Variants in MAPRE1 observed in about 807,000 individuals in gnomAD.
The protein encoded by MAPRE1 is microtubule associated protein RP/EB family member 1, also known as microtubule-associated protein RP/EB family member 1.
In MAPRE1, 5 loss-of-function variants were observed where a neutral mutation model predicts 32.1. The observed-to-expected ratio is 0.16, with a 90% CI of 0.08 to 0.33. The LOEUF (loss-of-function observed/expected upper bound fraction) is 0.33, where lower values mean the gene tolerates loss of function less well. MAPRE1 is among the 10% of genes least tolerant of loss of function. MAPRE1 has a pLI of 1.00. For synonymous variants in MAPRE1, 122 were observed against 118.9 expected (o/e 1.03, Z -0.17); for missense variants, 209 against 327.2 (o/e 0.64, Z 2.79).
intron 2 of MAPRE1, 151 bp downstream of exon 2, chr20:32,826,199 C>G: frequency 5.9e-6 from 3 of 506,220 alleles, no homozygotes; most frequent in Non-Finnish European, 1.0e-5. Context: ...GCCTTTGCTT[C>G]TGCTTCCAAA....
Position 32,836,786 on chromosome 20 carries a change from C to T in MAPRE1, c.420C>T (p.Ser140=), listed in dbSNP as rs567326963. The T allele has an allele frequency of 6.2e-7, 1 of 1,614,174 alleles. No homozygotes were observed. The highest frequency in any genetic ancestry group is 2.2e-5 in the East Asian group (1 of 44,890). ...GTCAAGAAACTGCAGTGGCTCCTTC[C>T]CTTGTTGCTCCAGCTCTGAATAAAC... is the stretch of plus-strand genomic sequence containing the variant. ...RQGQETAVAP[S]LVAPALNKPK... Residue 140 remains serine, a synonymous_variant, in exon 4 of 7, where the codon TCC becomes TCT. Transcript: ENST00000375571.
In MAPRE1 at chr20:32,848,952, C is replaced by G. The variant is rs185563382; in HGVS notation, c.*224C>G. 1 of 375,580 alleles carries G rather than the reference C, an allele frequency of 2.7e-6. No individual in the cohort carries two copies. The highest frequency in any genetic ancestry group is 4.8e-6 in the Non-Finnish European group (1 of 208,968). 23.3% of individuals were successfully genotyped at this position (375,580 alleles called of 1,614,324 possible). A position where few individuals can be genotyped will look rare whatever the true frequency, so the allele number is the denominator to read the frequency against. Reference sequence around the variant, plus strand: ...GAGCAGTATTAACACCTAGTTGGTTCACCTGGAAAACAGAGAGGCTGACCG... The same window carrying G: ...GAGCAGTATTAACACCTAGTTGGTTGACCTGGAAAACAGAGAGGCTGACCG... On this transcript the variant is annotated 3_prime_UTR_variant, in exon 7 of 7. Transcript: ENST00000375571.
At chr20:32,842,384 CATAGCTA>C (rs1983390298) in intron 5 of MAPRE1, among the ~76,000 whole-genome samples, 1 of 152,206 alleles carries the variant, frequency 6.6e-6, no homozygotes, top group South Asian at 2.1e-4. Context: ...AGTGCCCAGC[CATAGCTA>C]ACATTTTAAA....
At chr20:32,834,887 A>G (rs1983143238) in intron 3 of MAPRE1, among the ~76,000 whole-genome samples, 1 of 152,218 alleles carries the variant, frequency 6.6e-6, no homozygotes, top group Non-Finnish European at 1.5e-5. Flanking sequence ...TTTGTTTTAT[A>G]TCTAATTCTA....
chr20:32,848,663 C>A lies in MAPRE1; in HGVS notation c.751-9C>A, dbSNP rs781480084. ...TCAGTGGCTTTCCCCTCTCATTTTC[C>A]TATTTCAGGAAGGCTTTGTGATACC... On this transcript the variant is annotated splice_polypyrimidine_tract_variant and intron_variant, in intron 6 of 6. Coordinates refer to ENST00000375571, the MANE Select transcript of MAPRE1 (RefSeq NM_012325.3). The A allele has an allele frequency of 1.9e-6, 3 of 1,610,244 alleles. No homozygotes were observed. The highest frequency in any genetic ancestry group is 2.7e-5 in the African/African-American group (2 of 74,674).
At chr20:32,836,599 CTT>C (rs772573885) in intron 3 of MAPRE1, 33 bp from the exon 4 acceptor site, 3 of 1,346,736 alleles carry the variant, frequency 2.2e-6, no homozygotes, top group Non-Finnish European at 3.2e-6. Flanking sequence ...CCAAAAGCCT[CTT>C]TTTTGGGGCT....
At chr20:32,845,299 C>T (rs927577358) in intron 5 of MAPRE1, among the ~76,000 whole-genome samples, 1 of 152,164 alleles carries the variant, frequency 6.6e-6, no homozygotes, top group Admixed American at 6.5e-5. Context: ...CCTTGACCTC[C>T]CAAAGCTTTG....
intron 4 of MAPRE1, among the ~76,000 whole-genome samples, chr20:32,839,049 T>C (rs1271126807): frequency 6.6e-6 from 1 of 152,224 alleles, no homozygotes; most frequent in Non-Finnish European, 1.5e-5. Context: ...GAGACGTCTA[T>C]AAATACTAGT....
chr20:32,837,144 A>G (rs1361811404), intron 4 of MAPRE1, among the ~76,000 whole-genome samples: 1 of 152,208 alleles, frequency 6.6e-6, no homozygotes, highest in African/African-American at 2.4e-5. Context: ...AGTTTTGCCA[A>G]AGCTCTAGAA....
chr20:32,837,621 TAGAG>T (rs371703646), intron 4 of MAPRE1, among the ~76,000 whole-genome samples: 1,552 of 152,300 alleles, frequency 0.01, 25 homozygotes, highest in African/African-American at 0.036. Context: ...GTTCATCTGA[TAGAG>T]AGGGTAGGTT....
In MAPRE1 at chr20:32,846,697, T is replaced by C; in HGVS notation, c.677T>C (p.Leu226Ser). The C allele has an allele frequency of 1.2e-6, 2 of 1,614,158 alleles. No homozygotes were observed. The highest frequency in any genetic ancestry group is 1.7e-6 in the Non-Finnish European group (2 of 1,180,000). The change falls in exon 6 of 7, where the codon TTG becomes TCG. Residue 226 changes from leucine (L) to serine (S), a missense_variant. By Grantham distance (145) the Leu-to-Ser change is moderately radical. Coordinates refer to ENST00000375571, the MANE Select transcript of MAPRE1 (RefSeq NM_012325.3). ...TTCGGAAAGCTACGGAACATTGAATTGATTTGCCAGGAGAACGAGGGGGAA... is the reference window on the plus strand; with the variant it reads ...TTCGGAAAGCTACGGAACATTGAATCGATTTGCCAGGAGAACGAGGGGGAA... ...FYFGKLRNIE[L>S]ICQENEGEND...
At position 32,849,873 on chromosome 20, in the gene MAPRE1, TTG is replaced by T. The variant is rs1363446805; in HGVS notation, c.*1146_*1147del. On this transcript the variant is annotated 3_prime_UTR_variant, in exon 7 of 7. Coordinates refer to ENST00000375571, the MANE Select transcript of MAPRE1 (RefSeq NM_012325.3). ...ATACTTTGCCAGTGCACTAATCTCT[TTG>T]GAGATAAAATTCATTAGTGTGTTAC... The T allele has an allele frequency of 3.9e-5, 6 of 152,646 alleles. No homozygotes were observed. The highest frequency in any genetic ancestry group is 1.4e-4 in the African/African-American group (6 of 41,454). 9.5% of individuals were successfully genotyped at this position (152,646 alleles called of 1,614,324 possible).
intron 1 of MAPRE1, among the ~76,000 whole-genome samples, 157 bp downstream of exon 1, chr20:32,820,185 C>G (rs1479356550): frequency 7.4e-6 from 1 of 135,410 alleles, no homozygotes; most frequent in Admixed American, 7.8e-5. Flanking sequence ...CGTCACCCGG[C>G]GCGCGCGGGC....
intron 3 of MAPRE1, among the ~76,000 whole-genome samples, chr20:32,835,881 C>T (rs1852825616): frequency 6.6e-6 from 1 of 152,106 alleles, no homozygotes; most frequent in Non-Finnish European, 1.5e-5. Flanking sequence ...GTTGGGATTA[C>T]AGGTGTGAGC....
intron 5 of MAPRE1, among the ~76,000 whole-genome samples, chr20:32,841,347 G>A (rs1983354139): frequency 6.6e-6 from 1 of 152,250 alleles, no homozygotes; most frequent in South Asian, 2.1e-4. Flanking sequence ...AAAGAAATAC[G>A]AGAGAGTAAA....
At chr20:32,827,041 C>G (rs1270468375) in intron 2 of MAPRE1, among the ~76,000 whole-genome samples, 2 of 152,156 alleles carry the variant, frequency 1.3e-5, no homozygotes, top group Admixed American at 6.5e-5. Flanking sequence ...AGTACAAGAT[C>G]AAAGTCTAGC....
intron 3 of MAPRE1, among the ~76,000 whole-genome samples, chr20:32,835,988 GTC>G: frequency 6.6e-6 from 1 of 152,090 alleles, no homozygotes. Context: ...CTTAAATGGG[GTC>G]TCTCTCTGTC....
In MAPRE1 at chr20:32,850,097, T is replaced by G. The variant is rs1983605265; in HGVS notation, c.*1369T>G. On this transcript the variant is annotated 3_prime_UTR_variant, in exon 7 of 7. Coordinates refer to ENST00000375571, the MANE Select transcript of MAPRE1 (RefSeq NM_012325.3). ...AGCCCCTGATGTATTTGTATTGATT[T>G]GTTTCTGGTGGTAGCTTGTCCTGAA... 6.6e-6 allele frequency: 1 copy of G among 152,654 alleles called. No homozygotes were observed. The highest frequency in any genetic ancestry group is 2.4e-5 in the African/African-American group (1 of 41,454). 9.5% of individuals were successfully genotyped at this position (152,654 alleles called of 1,614,324 possible). A position where few individuals can be genotyped will look rare whatever the true frequency, so the allele number is the denominator to read the frequency against.
At position 32,839,766 on chromosome 20, in the gene MAPRE1, C is replaced by T. The variant is rs777258504; in HGVS notation, c.507C>T (p.Thr169=). The change falls in exon 5 of 7, where the codon ACC becomes ACT. Residue 169 remains threonine (T), a synonymous_variant. Transcript: ENST00000375571. Reference sequence around the variant, plus strand: ...AGAGGCCCATCTCAACACAGAGAACCGCTGCGGCTCCTAAGGCTGGCCCTG... The same window carrying T: ...AGAGGCCCATCTCAACACAGAGAACTGCTGCGGCTCCTAAGGCTGGCCCTG... ...APQRPISTQR[T]AAAPKAGPGV... is the part of the protein sequence containing the mutation. 36 of 1,614,052 alleles carry T rather than the reference C, an allele frequency of 2.2e-5. No homozygotes were observed. In the African/African-American group the frequency reaches 2.3e-4, roughly 10 times the overall value.
Sources: gnomAD v4.1 joint callset for allele counts (sites outside exome capture counted in the v4.1 genomes callset) on GRCh38, gnomAD v4.1.1 for gene constraint, MANE v1.5 for transcripts, NCBI Gene and HGNC (gene_info 2026-07-23, HGNC 2026-07-21) for gene names.